Variants in TXLNB observed in about 807,000 individuals in gnomAD.
TXLNB encodes taxilin beta, also known as beta-taxilin.
A neutral mutation model predicts 57.4 loss-of-function variants in TXLNB; 37 were observed. That is an observed-to-expected ratio of 0.64 (90% CI 0.50 to 0.85). The LOEUF is 0.85. TXLNB is among the 40% of genes least tolerant of loss of function. The pLI is 0.00. For synonymous variants in TXLNB, 302 were observed against 309.6 expected, an observed-to-expected ratio of 0.98 and a Z score of 0.26; for missense variants, 848 against 825.6, an observed-to-expected ratio of 1.03 and a Z score of -0.33.
chr6:139,268,885 A>G (rs1776682722), intron 4 of TXLNB: 1 of 152,080 alleles, frequency 6.6e-6, no homozygotes, highest in African/African-American at 2.4e-5. Flanking sequence ...GTTGGATGGT[A>G]TTAATAAGAT....
At chr6:139,269,205 G>T (rs1293853397) in intron 4 of TXLNB, 1 of 152,200 alleles carries the variant, frequency 6.6e-6, no homozygotes, top group Non-Finnish European at 1.5e-5. Context: ...GTGACCAGCT[G>T]AACATTCTGT....
At chr6:139,166,207 C>A in the TXLNB span, 3 of 1,170,248 alleles carry the variant, frequency 2.6e-6, no homozygotes, top group Non-Finnish European at 3.7e-6. Flanking sequence ...AAACCTTATA[C>A]CATACTGTTG....
chr6:139,172,977 A>C, the TXLNB span, among the ~76,000 whole-genome samples: 1 of 152,192 alleles, frequency 6.6e-6, no homozygotes, highest in Non-Finnish European at 1.5e-5. Context: ...TTCTGTGTCT[A>C]AGGCTGCCCT....
At position 139,250,271 on chromosome 6, in the gene TXLNB, G is replaced by A. The variant is rs1445893462; in HGVS notation, c.1078-2362C>T. ...AACATCCCAAAGTGTTGGGATTACAGGCATGAGCCACTGTACCCAGCCAAT... is the reference window on the plus strand; with the variant it reads ...AACATCCCAAAGTGTTGGGATTACAAGCATGAGCCACTGTACCCAGCCAAT... On this transcript the variant is annotated intron_variant, in intron 7 of 9. Transcript: ENST00000358430. Among the ~76,000 whole-genome samples, 10 of 151,060 alleles carry A rather than the reference G, an allele frequency of 6.6e-5. 1 individual carries two copies. The East Asian group carries it at 2.0e-3, about 29-fold the overall frequency.
the TXLNB span, among the ~76,000 whole-genome samples, chr6:139,164,341 AG>A: frequency 5.3e-5 from 8 of 150,434 alleles, no homozygotes; most frequent in Non-Finnish European, 7.4e-5. Context: ...TTCCCTCCAA[AG>A]GGGCCCTTTG....
At chr6:139,212,862 A>G in the TXLNB span, among the ~76,000 whole-genome samples, 1 of 152,218 alleles carries the variant, frequency 6.6e-6, no homozygotes, top group Non-Finnish European at 1.5e-5. Flanking sequence ...TAAACCAACA[A>G]AGATCAAAAG....
At chr6:139,220,539 C>T in the TXLNB span, among the ~76,000 whole-genome samples, 171 of 152,232 alleles carry the variant, frequency 1.1e-3, 1 homozygote, top group African/African-American at 3.7e-3. Context: ...AGTAGCTCCT[C>T]GGAGAGCTGG....
chr6:139,201,704 T>C, the TXLNB span: 1 of 152,272 alleles, frequency 6.6e-6, no homozygotes, highest in African/African-American at 2.4e-5. Context: ...AGAGATTCTC[T>C]CAGCCCTGAT....
At chr6:139,308,366 A>G in the TXLNB span, among the ~76,000 whole-genome samples, 14 of 152,348 alleles carry the variant, frequency 9.2e-5, no homozygotes, top group African/African-American at 3.4e-4. Context: ...TCCAAAGACA[A>G]ACCCTGACCA....
At chr6:139,225,412 G>A in the TXLNB span, among the ~76,000 whole-genome samples, 4 of 152,266 alleles carry the variant, frequency 2.6e-5, no homozygotes, top group African/African-American at 7.2e-5. Context: ...ACATGATTGT[G>A]TGTTTAGAAT....
chr6:139,216,013 T>C, the TXLNB span, among the ~76,000 whole-genome samples: 1 of 152,058 alleles, frequency 6.6e-6, no homozygotes, highest in Non-Finnish European at 1.5e-5. Flanking sequence ...GGAACACTTT[T>C]ACACTGTTGG....
chr6:139,244,532 A>G (rs1776026200), intron 9 of TXLNB, 63 bp downstream of exon 9: 3 of 1,109,986 alleles, frequency 2.7e-6, no homozygotes, highest in East Asian at 4.7e-5. Flanking sequence ...TTATAATTGT[A>G]TCGTAAGTTT....
At chr6:139,264,669 C>T (rs1776569773) in intron 4 of TXLNB, among the ~76,000 whole-genome samples, 1 of 152,160 alleles carries the variant, frequency 6.6e-6, no homozygotes, top group Non-Finnish European at 1.5e-5. Flanking sequence ...AAGTGATTCT[C>T]CTGCCTCAGC....
At chr6:139,230,066 G>A in the TXLNB span, among the ~76,000 whole-genome samples, 1 of 152,146 alleles carries the variant, frequency 6.6e-6, no homozygotes, top group East Asian at 1.9e-4. Flanking sequence ...TAATTAACAC[G>A]TGTGGCAGAC....
intron 1 of TXLNB, among the ~76,000 whole-genome samples, chr6:139,290,093 T>A (rs1466958111): frequency 6.6e-6 from 1 of 152,068 alleles, no homozygotes; most frequent in African/African-American, 2.4e-5. Flanking sequence ...GACAAAGTAG[T>A]ATGGAAACAC....
intron 7 of TXLNB, among the ~76,000 whole-genome samples, chr6:139,253,821 A>T (rs1292063411): frequency 6.6e-6 from 1 of 152,186 alleles, no homozygotes; most frequent in Non-Finnish European, 1.5e-5. Context: ...TTTTGCATGG[A>T]GGAGTAGAGA....
the TXLNB span, among the ~76,000 whole-genome samples, chr6:139,214,133 C>A: frequency 6.6e-6 from 1 of 152,152 alleles, no homozygotes; most frequent in Non-Finnish European, 1.5e-5. Context: ...TTTTATGAGG[C>A]CAGCATCATC....
At position 139,261,964 on chromosome 6, in the gene TXLNB, C is replaced by T. The variant is rs574217307; in HGVS notation, c.882+615G>A. Among the ~76,000 whole-genome samples the T allele has an allele frequency of 1.7e-4, 22 of 133,246 alleles. No homozygotes were observed. In the South Asian group the frequency reaches 4.1e-3, roughly 25 times the overall value. 87.4% of individuals were successfully genotyped at this position (133,246 alleles called of 152,430 possible). A position where few individuals can be genotyped will look rare whatever the true frequency, so the allele number is the denominator to read the frequency against. On this transcript the variant is annotated intron_variant, in intron 5 of 9. Transcript: ENST00000358430. Reference sequence around the variant, plus strand: ...TGTCGCCTGGGCTGGAGTGCAGTGGCGTGATCTCAGCTCACTGCAACCTCC... The same window carrying T: ...TGTCGCCTGGGCTGGAGTGCAGTGGTGTGATCTCAGCTCACTGCAACCTCC...
chr6:139,226,556 G>C, the TXLNB span, among the ~76,000 whole-genome samples: 195 of 152,150 alleles, frequency 1.3e-3, 1 homozygote, highest in African/African-American at 4.1e-3. Context: ...AAGTAATAAA[G>C]TACTGCTTTC....
Sources: allele counts gnomAD v4.1 joint callset (sites outside exome capture counted in the v4.1 genomes callset), GRCh38; gene constraint gnomAD v4.1.1; transcripts MANE v1.5; gene names NCBI Gene and HGNC (gene_info 2026-07-23, HGNC 2026-07-21).